ONECUT1: variants seen among roughly 807,000 people sequenced by gnomAD.
The protein encoded by ONECUT1 is one cut homeobox 1.
Under a neutral mutation model 25.6 loss-of-function variants are expected in ONECUT1, and 12 were observed. That is an observed-to-expected ratio of 0.47 (90% CI 0.30 to 0.76). The LOEUF is 0.76. Ranked by LOEUF, ONECUT1 falls within the 30% of genes least tolerant of loss-of-function variation. The pLI, the probability that ONECUT1 is intolerant of heterozygous loss-of-function variation, is 0.07. For synonymous variants in ONECUT1, 285 were observed against 270.2 expected, an observed-to-expected ratio of 1.05 and a Z score of -0.54; for missense variants, 620 against 651.2, an observed-to-expected ratio of 0.95 and a Z score of 0.52.
chr15:52,758,827 G>A (rs1156501599), intron 1 of ONECUT1, among the ~76,000 whole-genome samples: 5 of 152,104 alleles, frequency 3.3e-5, no homozygotes, highest in Admixed American at 3.3e-4. Flanking sequence ...CCACCCTAAT[G>A]AGGCTCACTA....
chr15:52,776,518 A>T (rs546058994), intron 1 of ONECUT1, among the ~76,000 whole-genome samples: 1 of 152,018 alleles, frequency 6.6e-6, no homozygotes, highest in Non-Finnish European at 1.5e-5. Context: ...TTTTCCTCCC[A>T]TTATCTTCCT....
In ONECUT1 at chr15:52,789,495, ATGG is replaced by A; in HGVS notation, c.387_389del (p.His134del). On this transcript the variant is annotated inframe_deletion, in exon 1 of 2. Transcript: ENST00000305901. This position sits in a 1 kb window ranked among gnomAD's most constrained non-coding sequence, Gnocchi z 4.1. ...GGTGGTGGTGCGGGTGGTGGTGGTG[ATGG>A]TGGTGGTGGTGATGGTGGGGGAACT... 6 of 1,611,408 alleles carry A rather than the reference ATGG, an allele frequency of 3.7e-6. No homozygotes were observed. The highest frequency in any genetic ancestry group is 2.5e-6 in the Non-Finnish European group (3 of 1,179,054).
At chr15:52,787,445 C>A (rs548665992) in intron 1 of ONECUT1, among the ~76,000 whole-genome samples, 1 of 152,180 alleles carries the variant, frequency 6.6e-6, no homozygotes, top group East Asian at 1.9e-4. Flanking sequence ...TTTGGCCTCA[C>A]GCTTTGATTT....
In ONECUT1 at chr15:52,756,934, A is replaced by C. The variant is rs1158148149; in HGVS notation, c.*621T>G. 1 of 152,202 alleles carries C rather than the reference A, an allele frequency of 6.6e-6. No individual in the cohort carries two copies. The highest frequency in any genetic ancestry group is 1.5e-5 in the Non-Finnish European group (1 of 68,054). The allele number at this position is 152,202 out of a possible 1,614,324, so 9.4% of individuals were successfully genotyped here. ...TTAAAAAATATCTGAACATTCCTTA[A>C]CAAACAAAGAGAATGCACTGGTTTA... On this transcript the variant is annotated 3_prime_UTR_variant, in exon 2 of 2. Coordinates refer to ENST00000305901, the MANE Select transcript of ONECUT1 (RefSeq NM_004498.4).
chr15:52,788,541 G>T lies in ONECUT1; in HGVS notation c.1105+239C>A. On this transcript the variant is annotated intron_variant, in intron 1 of 1. Transcript: ENST00000305901. The surrounding 1 kb of genome is among the most constrained non-coding windows in gnomAD (Gnocchi z 4.3). ...TGAGCGCAAATGAGCCTCTTCAGTC[G>T]CCGAGGCCCGGCCGCTTAGCTCTCG... The T allele has an allele frequency of 2.0e-6, 1 of 493,180 alleles. No homozygotes were observed. Among genetic ancestry groups the T allele is most frequent in the East Asian group, 3.0e-5 (1 of 33,486 alleles). The allele number at this position is 493,180 out of a possible 1,614,324, so 30.6% of individuals were successfully genotyped here.
chr15:52,757,587 A>G lies in ONECUT1; in HGVS notation c.1366T>C (p.Ser456Pro). The change falls in exon 2 of 2, where the codon TCT (serine) becomes CCT (proline). Residue 456 changes from serine to proline, a missense_variant. Around this residue, in one of 4 missense-constraint regions of ONECUT1, gnomAD observed 30 missense variants for 25.1 expected, o/e 1.20. Coordinates refer to ENST00000305901, the MANE Select transcript of ONECUT1 (RefSeq NM_004498.4). ...DEGSSNSGNS[S>P]SSSSTCTKA ...TTGGTACAAGTGCTTGATGAAGAAG[A>G]TGAGTTGCCTGAATTGGAGCTGCCC... The G allele has an allele frequency of 1.9e-6, 3 of 1,613,990 alleles. No homozygotes were observed. The highest frequency in any genetic ancestry group is 2.5e-6 in the Non-Finnish European group (3 of 1,179,936).
At chr15:52,761,006 G>A (rs1401155373) in intron 1 of ONECUT1, among the ~76,000 whole-genome samples, 1 of 53,210 alleles carries the variant, frequency 1.9e-5, no homozygotes, top group African/African-American at 8.0e-5. Flanking sequence ...CAAAGGTTAT[G>A]CCACTCTGGG....
rs115326670 is a variant in ONECUT1 at position 52,762,239 on chromosome 15, C to A, written c.1106-4392G>T. Among the ~76,000 whole-genome samples, 333 of 152,326 alleles carry A rather than the reference C, an allele frequency of 2.2e-3. 5 individuals are homozygous for A. Among genetic ancestry groups the A allele is most frequent in the African/African-American group, 7.8e-3 (323 of 41,562 alleles). ...CATTTGGCAGGACTGTCTGCTGAAG[C>A]TACCCCTGAGCCAGCATTTCCCAAA... On this transcript the variant is annotated intron_variant, in intron 1 of 1. Transcript: ENST00000305901.
At chr15:52,780,880 A>C in intron 1 of ONECUT1, 1 of 1,348,514 alleles carries the variant, frequency 7.4e-7, no homozygotes, top group Admixed American at 3.5e-5. Flanking sequence ...TCGATTCTGA[A>C]TATCCCGTGG....
intron 1 of ONECUT1, chr15:52,780,938 C>A: frequency 3.3e-6 from 4 of 1,201,544 alleles, no homozygotes; most frequent in Non-Finnish European, 4.2e-6. Flanking sequence ...TGGAAACATG[C>A]AGTGTTTGAC....
intron 1 of ONECUT1, among the ~76,000 whole-genome samples, chr15:52,775,889 C>T (rs1184251329): frequency 2.0e-5 from 3 of 152,224 alleles, no homozygotes; most frequent in African/African-American, 7.2e-5. Context: ...CTTCTGTCTA[C>T]TCTGCTGTTC....
In ONECUT1 at chr15:52,788,691, C is replaced by T; in HGVS notation, c.1105+89G>A. 1.4e-6 allele frequency: 2 copies of T among 1,414,384 alleles called. No individual in the cohort carries two copies. The highest frequency in any genetic ancestry group is 2.6e-5 in the South Asian group (2 of 76,996). 87.6% of individuals were successfully genotyped at this position (1,414,384 alleles called of 1,614,324 possible). ...GTAGGGGCGGGCGGGATGAAGCGCACCCAGCCCTCTCTCCTACCCTTCCTC... is the reference window on the plus strand; with the variant it reads ...GTAGGGGCGGGCGGGATGAAGCGCATCCAGCCCTCTCTCCTACCCTTCCTC... On this transcript the variant is annotated intron_variant, in intron 1 of 1. Coordinates refer to ENST00000305901, the MANE Select transcript of ONECUT1 (RefSeq NM_004498.4). The surrounding 1 kb of genome is among the most constrained non-coding windows in gnomAD (Gnocchi z 4.3).
intron 1 of ONECUT1, chr15:52,780,540 C>G: frequency 6.7e-7 from 1 of 1,494,184 alleles, no homozygotes; most frequent in Non-Finnish European, 9.0e-7. Flanking sequence ...ACTTTAACTG[C>G]ATCTTAATTA....
rs2083892901 is a variant in ONECUT1, at chr15:52,788,670, G to C, written c.1105+110C>G. 8.2e-7 allele frequency: 1 copy of C among 1,220,756 alleles called. No individual in the cohort carries two copies. The highest frequency in any genetic ancestry group is 1.4e-5 in the South Asian group (1 of 69,672). The allele number at this position is 1,220,756 out of a possible 1,614,324, so 75.6% of individuals were successfully genotyped here. ...CAGGGAGTCCCCCTTCTAGGGGTAG[G>C]GGCGGGCGGGATGAAGCGCACCCAG... On this transcript the variant is annotated intron_variant, in intron 1 of 1. Coordinates refer to ENST00000305901, the MANE Select transcript of ONECUT1 (RefSeq NM_004498.4). The surrounding 1 kb of genome is among the most constrained non-coding windows in gnomAD (Gnocchi z 4.3).
At chr15:52,787,106 T>G (rs1450652570) in intron 1 of ONECUT1, 1 of 152,204 alleles carries the variant, frequency 6.6e-6, no homozygotes, top group Non-Finnish European at 1.5e-5. Flanking sequence ...CGGGTGGAGA[T>G]ATGGTGCCGG....
At chr15:52,767,995 C>T (rs567939158) in intron 1 of ONECUT1, among the ~76,000 whole-genome samples, 1 of 152,160 alleles carries the variant, frequency 6.6e-6, no homozygotes, top group East Asian at 1.9e-4. Context: ...AAATTGAACT[C>T]ATGGAGATGG....
At chr15:52,774,295 A>G (rs978610919) in intron 1 of ONECUT1, among the ~76,000 whole-genome samples, 5 of 151,862 alleles carry the variant, frequency 3.3e-5, no homozygotes, top group African/African-American at 7.3e-5. Context: ...GAAGTTATTT[A>G]TTTATTTATT....
intron 1 of ONECUT1, among the ~76,000 whole-genome samples, chr15:52,779,917 A>T (rs1166122660): frequency 6.6e-6 from 1 of 152,204 alleles, no homozygotes; most frequent in African/African-American, 2.4e-5. Flanking sequence ...ATCTGTCTCC[A>T]TCCATCAGAC....
intron 1 of ONECUT1, among the ~76,000 whole-genome samples, chr15:52,772,392 TAA>T (rs67977580): frequency 3.9e-4 from 45 of 114,654 alleles, no homozygotes; most frequent in Admixed American, 6.3e-4. Flanking sequence ...AGACTCCATC[TAA>T]AAAAAAAAAA....
Sources: allele counts gnomAD v4.1 joint callset (sites outside exome capture counted in the v4.1 genomes callset), GRCh38; gene constraint gnomAD v4.1.1; regional missense constraint gnomAD v4.1.1; non-coding constraint Gnocchi (gnomAD v3.1); transcripts MANE v1.5; gene names NCBI Gene and HGNC (gene_info 2026-07-23, HGNC 2026-07-21).